Variants in ADD3 observed in about 807,000 individuals in gnomAD.
ADD3 encodes the protein adducin 3, also known as gamma-adducin.
Under a neutral mutation model 80.2 loss-of-function variants are expected in ADD3, and 25 were observed. That is an observed-to-expected ratio of 0.31 (90% CI 0.23 to 0.44). The LOEUF (loss-of-function observed/expected upper bound fraction) is 0.44. Ranked by LOEUF, ADD3 falls within the 20% of genes least tolerant of loss-of-function variation. The pLI, the probability that ADD3 is intolerant of heterozygous loss-of-function variation, is 1.00. For missense variants in ADD3, 829 were observed against 847.5 expected (o/e 0.98, Z 0.27); for synonymous variants, 284 against 289.6 (o/e 0.98, Z 0.20).
rs547922506 is a variant in ADD3, at chr10:110,066,833, G to A, written c.-29-33792G>A. Among the ~76,000 whole-genome samples the A allele has an allele frequency of 5.9e-5, 9 of 152,240 alleles. No homozygotes were observed. The East Asian group carries it at 1.5e-3, about 26-fold the overall frequency. ...TAGAATTTTTTGGAAATTCTAAAAC[G>A]AGTATTTCCATGAGCGTTTCTTACT... On this transcript the variant is annotated intron_variant, in intron 1 of 14. Transcript: ENST00000356080.
At chr10:110,083,720 T>C (rs1467839041) in intron 1 of ADD3, among the ~76,000 whole-genome samples, 1 of 152,184 alleles carries the variant, frequency 6.6e-6, no homozygotes, top group African/African-American at 2.4e-5. Flanking sequence ...TCCTGGATGC[T>C]TTTTTATTTC....
At chr10:110,000,765 C>G (rs765661260) in intron 1 of ADD3, among the ~76,000 whole-genome samples, 1 of 152,170 alleles carries the variant, frequency 6.6e-6, no homozygotes, top group Non-Finnish European at 1.5e-5. Flanking sequence ...GGGCAAGTTA[C>G]TTATTCTCTC....
intron 1 of ADD3, among the ~76,000 whole-genome samples, chr10:110,050,979 A>G (rs1333258990): frequency 6.6e-6 from 1 of 152,228 alleles, no homozygotes; most frequent in South Asian, 2.1e-4. Context: ...CCAGTATCAA[A>G]ATTAATATTG....
intron 11 of ADD3, 59 bp from the exon 12 acceptor site, chr10:110,126,358 C>A: frequency 7.8e-7 from 1 of 1,284,532 alleles, no homozygotes; most frequent in Non-Finnish European, 1.1e-6. Flanking sequence ...AAAGATAAAG[C>A]AAAGGTCATC....
At chr10:110,069,698 T>A (rs1449073300) in intron 1 of ADD3, among the ~76,000 whole-genome samples, 1 of 152,232 alleles carries the variant, frequency 6.6e-6, no homozygotes, top group Non-Finnish European at 1.5e-5. Flanking sequence ...TAGAACATTC[T>A]TATGCCTCTT....
intron 10 of ADD3, among the ~76,000 whole-genome samples, chr10:110,124,855 A>G (rs1005413690): frequency 6.6e-6 from 1 of 152,200 alleles, no homozygotes. Flanking sequence ...TGTCCAGTCC[A>G]TGGCCCAGGA....
At chr10:110,022,304 TA>T (rs1326017590) in intron 1 of ADD3, among the ~76,000 whole-genome samples, 1 of 152,150 alleles carries the variant, frequency 6.6e-6, no homozygotes, top group Non-Finnish European at 1.5e-5. Context: ...TCTATAATTT[TA>T]AAATATGGAA....
At chr10:110,013,225 C>G (rs565563201) in intron 1 of ADD3, among the ~76,000 whole-genome samples, 1 of 152,292 alleles carries the variant, frequency 6.6e-6, no homozygotes, top group East Asian at 1.9e-4. Flanking sequence ...GCCTCAGCCT[C>G]CTGAATAGCT....
intron 1 of ADD3, among the ~76,000 whole-genome samples, chr10:110,082,519 T>G (rs1272140422): frequency 1.3e-5 from 2 of 152,222 alleles, no homozygotes; most frequent in African/African-American, 4.8e-5. Flanking sequence ...CGAGATAGCT[T>G]ATTCGGTTTA....
At chr10:110,113,866 T>C (rs1850354938) in intron 3 of ADD3, among the ~76,000 whole-genome samples, 1 of 152,150 alleles carries the variant, frequency 6.6e-6, no homozygotes, top group African/African-American at 2.4e-5. Context: ...CAATTGGAAG[T>C]GCAGTCAGAG....
chr10:110,102,147 T>C (rs1848886550), intron 2 of ADD3, among the ~76,000 whole-genome samples: 1 of 152,196 alleles, frequency 6.6e-6, no homozygotes, highest in Non-Finnish European at 1.5e-5. Flanking sequence ...AAGAAACTCT[T>C]TCCAAATGGA....
intron 1 of ADD3, among the ~76,000 whole-genome samples, chr10:110,008,845 C>T (rs114395448): frequency 1.3e-5 from 2 of 152,140 alleles, no homozygotes; most frequent in African/African-American, 4.8e-5. Context: ...CTTCCCCACC[C>T]CCCAACACAG....
upstream of ADD3, among the ~76,000 whole-genome samples, chr10:110,007,097 G>A (rs1024780893): frequency 2.6e-5 from 4 of 152,180 alleles, no homozygotes; most frequent in African/African-American, 9.7e-5. Context: ...GTCACCTGTG[G>A]ATGGATCCAC....
intron 1 of ADD3, among the ~76,000 whole-genome samples, chr10:110,062,484 G>A (rs746877643): frequency 6.6e-6 from 1 of 151,984 alleles, no homozygotes; most frequent in Non-Finnish European, 1.5e-5. Context: ...AGGTGGCTGA[G>A]GTGGAGGATT....
intron 1 of ADD3, among the ~76,000 whole-genome samples, chr10:110,065,160 G>GTA (rs1282390680): frequency 6.6e-6 from 1 of 151,956 alleles, no homozygotes; most frequent in East Asian, 1.9e-4. Flanking sequence ...AGTTCCTTTA[G>GTA]TAAGTTCATA....
At chr10:110,132,165 CTG>C in intron 13 of ADD3, 138 bp from the exon 14 acceptor site, 1 of 596,084 alleles carries the variant, frequency 1.7e-6, no homozygotes, top group Non-Finnish European at 3.0e-6. Flanking sequence ...TATGGGATAA[CTG>C]TTAGCATGCT....
chr10:110,073,657 A>T (rs535035983), intron 1 of ADD3, among the ~76,000 whole-genome samples: 74 of 152,248 alleles, frequency 4.9e-4, no homozygotes, highest in Non-Finnish European at 7.4e-4. Flanking sequence ...TACTCTGATC[A>T]TCTCCTTGCC....
At chr10:110,055,356 C>G (rs1858051261) in intron 1 of ADD3, among the ~76,000 whole-genome samples, 1 of 152,068 alleles carries the variant, frequency 6.6e-6, no homozygotes, top group South Asian at 2.1e-4. Context: ...ACACGTGGTA[C>G]TTCTTGAACG....
At chr10:110,033,004 G>A (rs1033192024) in intron 1 of ADD3, among the ~76,000 whole-genome samples, 4 of 152,166 alleles carry the variant, frequency 2.6e-5, no homozygotes, top group Non-Finnish European at 5.9e-5. Flanking sequence ...GACAGTGGCA[G>A]CCTTGTGGGT....
Sources: gnomAD v4.1 joint callset for allele counts (sites outside exome capture counted in the v4.1 genomes callset) on GRCh38, gnomAD v4.1.1 for gene constraint, MANE v1.5 for transcripts, NCBI Gene and HGNC (gene_info 2026-07-23, HGNC 2026-07-21) for gene names.